The following CEP63 variants were observed in gnomAD, a reference collection of about 807,000 sequenced individuals.
CEP63 encodes centrosomal protein 63.
A neutral mutation model predicts 89.1 loss-of-function variants in CEP63; 84 were observed. That is an observed-to-expected ratio of 0.94 (90% confidence interval 0.79 to 1.13). CEP63 has a LOEUF of 1.13. Among genes scored for constraint, CEP63 ranks in the 50% most tolerant of loss-of-function variants. CEP63 has a pLI of 0.00. For synonymous variants in CEP63, 267 were observed against 272.5 expected (o/e 0.98, Z 0.20); for missense variants, 838 against 813.3 (o/e 1.03, Z -0.37).
intron 11 of CEP63, 36 bp from the exon 12 acceptor site, chr3:134,551,890 T>C (rs1259317451): frequency 7.1e-7 from 1 of 1,416,938 alleles, no homozygotes; most frequent in African/African-American, 1.4e-5. Context: ...GTGATTTACA[T>C]GTTATATTTA....
the CEP63 span, among the ~76,000 whole-genome samples, chr3:134,657,807 C>T: frequency 1.3e-5 from 2 of 152,220 alleles, no homozygotes; most frequent in Non-Finnish European, 2.9e-5. Flanking sequence ...ATGTCAACCT[C>T]TCCATACACT....
intron 2 of CEP63, among the ~76,000 whole-genome samples, chr3:134,502,827 G>C (rs952375449): frequency 6.6e-6 from 1 of 151,780 alleles, no homozygotes; most frequent in African/African-American, 2.4e-5. Context: ...TTTTCTGCTG[G>C]CTTTGGGTTT....
At chr3:134,555,764 A>G (rs1337753968) in intron 12 of CEP63, among the ~76,000 whole-genome samples, 3 of 150,792 alleles carry the variant, frequency 2.0e-5, no homozygotes, top group African/African-American at 7.3e-5. Flanking sequence ...ACAGAATTGG[A>G]AAAAACTACT....
intron 1 of CEP63, among the ~76,000 whole-genome samples, chr3:134,487,377 T>C (rs1163723542): frequency 6.6e-6 from 1 of 152,260 alleles, no homozygotes; most frequent in Non-Finnish European, 1.5e-5. Flanking sequence ...ACAGGCACAC[T>C]GCCTTTTAAA....
At chr3:134,782,069 A>T in the CEP63 span, among the ~76,000 whole-genome samples, 6 of 152,260 alleles carry the variant, frequency 3.9e-5, no homozygotes, top group East Asian at 1.2e-3. Context: ...TTATTTTATT[A>T]AATATTTTTA....
Position 134,550,147 on chromosome 3 carries a change from G to C in CEP63, c.1267G>C (p.Glu423Gln), listed in dbSNP as rs918107631. ...MKMEISHLTQ[E>Q]LHQRDITIAS... ...GATGGAAATCTCCCATCTAACTCAGGAGTTACATCAGCGAGATATCACTAT... is the reference window on the plus strand; with the variant it reads ...GATGGAAATCTCCCATCTAACTCAGCAGTTACATCAGCGAGATATCACTAT... Residue 423 changes from glutamate (E) to glutamine (Q), a missense_variant, in exon 11 of 15, where the codon GAG (glutamate) becomes CAG (glutamine). By Grantham distance (29) the Glu-to-Gln change is conservative. Transcript: ENST00000675561. 3 of 1,613,396 alleles carry C rather than the reference G, an allele frequency of 1.9e-6. No homozygotes were observed.
the CEP63 span, among the ~76,000 whole-genome samples, chr3:134,658,024 G>A: frequency 6.6e-6 from 1 of 152,162 alleles, no homozygotes; most frequent in African/African-American, 2.4e-5. Flanking sequence ...AGCCTCCGGA[G>A]TAGCTGGGGC....
the CEP63 span, among the ~76,000 whole-genome samples, chr3:134,696,535 G>A: frequency 6.6e-6 from 1 of 152,166 alleles, no homozygotes; most frequent in African/African-American, 2.4e-5. Context: ...TTTTCTTTGT[G>A]TGAATTAGAA....
chr3:134,712,717 G>A, the CEP63 span, among the ~76,000 whole-genome samples: 6 of 152,268 alleles, frequency 3.9e-5, no homozygotes, highest in South Asian at 2.1e-4. Flanking sequence ...CACTGGCTGC[G>A]TGTGGCTTGG....
the CEP63 span, among the ~76,000 whole-genome samples, chr3:134,681,946 G>T: frequency 6.6e-6 from 1 of 152,178 alleles, no homozygotes. Context: ...ACCCAGCCCC[G>T]CTGGCCCCCT....
At chr3:134,552,104 C>A (rs144048978) in intron 12 of CEP63, 92 bp downstream of exon 12, 12 of 696,814 alleles carry the variant, frequency 1.7e-5, no homozygotes, top group African/African-American at 1.6e-4. Flanking sequence ...GAATTAAGAT[C>A]AACTTAGATC....
intron 1 of CEP63, among the ~76,000 whole-genome samples, chr3:134,490,802 C>G (rs1937357669): frequency 2.0e-5 from 3 of 152,146 alleles, no homozygotes; most frequent in South Asian, 4.1e-4. Context: ...CATGGACAAA[C>G]ATACCTTTCT....
chr3:134,620,994 G>A, the CEP63 span: 8 of 631,776 alleles, frequency 1.3e-5, no homozygotes, highest in Non-Finnish European at 2.3e-5. Flanking sequence ...GGCAAAGGCT[G>A]GCTGAGGACA....
the CEP63 span, chr3:134,647,288 C>G: frequency 1.5e-6 from 1 of 653,504 alleles, no homozygotes; most frequent in Non-Finnish European, 2.7e-6. Flanking sequence ...CACAGTGGCC[C>G]TTAGAGGCCT....
chr3:134,615,994 G>A, the CEP63 span, among the ~76,000 whole-genome samples: 4 of 152,204 alleles, frequency 2.6e-5, no homozygotes, highest in African/African-American at 9.7e-5. Flanking sequence ...TTTATCCAAC[G>A]TCTCTGAAAC....
chr3:134,728,782 A>T, the CEP63 span, among the ~76,000 whole-genome samples: 1 of 152,236 alleles, frequency 6.6e-6, no homozygotes, highest in Admixed American at 6.5e-5. Flanking sequence ...TTGATAAGCA[A>T]TATACAAAAT....
chr3:134,700,482 A>G, the CEP63 span, among the ~76,000 whole-genome samples: 2 of 152,118 alleles, frequency 1.3e-5, no homozygotes, highest in African/African-American at 4.8e-5. Flanking sequence ...GTCACAATTC[A>G]CACTTCCCAG....
In CEP63 at chr3:134,564,442, A is replaced by C. The variant is rs1957619612; in HGVS notation, c.*2907A>C. On this transcript the variant is annotated 3_prime_UTR_variant, in exon 15 of 15. Coordinates refer to ENST00000675561, the MANE Select transcript of CEP63 (RefSeq NM_001353108.3). ...GGGAACGTTTCTCCTCATTGCTGTC[A>C]TGGCACCCTGTGTGTGGCTCTGACC... The C allele has an allele frequency of 1.0e-6, 1 of 985,394 alleles. No homozygotes were observed. Among genetic ancestry groups the C allele is most frequent in the Non-Finnish European group, 1.2e-6 (1 of 829,936 alleles). The allele number at this position is 985,394 out of a possible 1,614,324, so 61.0% of individuals were successfully genotyped here.
the CEP63 span, chr3:134,608,082 A>G: frequency 9.0e-7 from 1 of 1,108,134 alleles, no homozygotes; most frequent in Non-Finnish European, 1.1e-6. Flanking sequence ...GACTGCCCCC[A>G]CCTGTCCTGG....
Sources: allele counts gnomAD v4.1 joint callset (sites outside exome capture counted in the v4.1 genomes callset), GRCh38; gene constraint gnomAD v4.1.1; transcripts MANE v1.5; gene names NCBI Gene and HGNC (gene_info 2026-07-23, HGNC 2026-07-21).